ANKRD27: variants seen among roughly 807,000 people sequenced by gnomAD.
The protein encoded by ANKRD27 is ankyrin repeat domain-containing protein 27.
Under a neutral mutation model 129.7 loss-of-function variants are expected in ANKRD27, and 112 were observed. The observed-to-expected ratio is 0.86, with a 90% CI of 0.74 to 1.01. The LOEUF (loss-of-function observed/expected upper bound fraction) is 1.01, where lower values mean the gene tolerates loss of function less well. Among genes scored for constraint, ANKRD27 ranks in the 50% least tolerant of loss-of-function variants. ANKRD27 has a pLI of 0.00. For synonymous variants in ANKRD27, 516 were observed against 511.2 expected, an observed-to-expected ratio of 1.01 and a Z score of -0.13; for missense variants, 1,258 against 1,300.5, an observed-to-expected ratio of 0.97 and a Z score of 0.50.
chr19:32,607,713 C>T lies in ANKRD27; in HGVS notation c.2295G>A (p.Lys765=). The change falls in exon 23 of 29, where the codon AAG becomes AAA. Residue 765 remains lysine, a synonymous_variant. Coordinates refer to ENST00000306065, the MANE Select transcript of ANKRD27 (RefSeq NM_032139.3). ...GRADLIPLLL[K]HGANAGARNA... is the part of the protein sequence containing the mutation. Reference sequence around the variant, plus strand: ...TCCTGGCACCTGCGTTGGCCCCGTGCTTCAGCAGGAGGGGGATGAGGTCCG... The same window carrying T: ...TCCTGGCACCTGCGTTGGCCCCGTGTTTCAGCAGGAGGGGGATGAGGTCCG... The T allele has an allele frequency of 6.2e-7, 1 of 1,613,226 alleles. No individual in the cohort carries two copies. Among genetic ancestry groups the T allele is most frequent in the South Asian group, 1.1e-5 (1 of 90,968 alleles).
chr19:32,620,595 A>G (rs988022643), intron 18 of ANKRD27, among the ~76,000 whole-genome samples: 3 of 151,578 alleles, frequency 2.0e-5, no homozygotes, highest in African/African-American at 7.3e-5. Flanking sequence ...ACAATAAAAA[A>G]GAAAGATGAA....
At chr19:32,606,213 C>T (rs1420719293) in intron 23 of ANKRD27, among the ~76,000 whole-genome samples, 7 of 146,066 alleles carry the variant, frequency 4.8e-5, no homozygotes, top group East Asian at 2.0e-4. Context: ...AGTGCAGTGG[C>T]GTGATCTTGG....
Position 32,602,049 on chromosome 19 carries a change from G to C in ANKRD27, c.2733C>G (p.Arg911=). 6.2e-7 allele frequency: 1 copy of C among 1,613,826 alleles called. No homozygotes were observed. Among genetic ancestry groups the C allele is most frequent in the Non-Finnish European group, 8.5e-7 (1 of 1,179,832 alleles). The change falls in exon 26 of 29, where the codon CGC becomes CGG. Residue 911 remains arginine, a synonymous_variant. Coordinates refer to ENST00000306065, the MANE Select transcript of ANKRD27 (RefSeq NM_032139.3). The part of the protein sequence containing the change: ...ASLDDVAETD[R]KEYVTVKIRK... ...TGATCTTAACAGTGACATACTCCTT[G>C]CGGTCAGTTTCAGCCACATCATCTA...
At chr19:32,671,018 A>T (rs1442852137) in intron 1 of ANKRD27, among the ~76,000 whole-genome samples, 8 of 152,126 alleles carry the variant, frequency 5.3e-5, no homozygotes. Context: ...GTAATATGCC[A>T]GGTGCAGTGG....
intron 2 of ANKRD27, among the ~76,000 whole-genome samples, chr19:32,656,381 C>T (rs1471401324): frequency 6.6e-6 from 1 of 152,230 alleles, no homozygotes; most frequent in Non-Finnish European, 1.5e-5. Context: ...TCCATGCCCA[C>T]CTTGCGTCCC....
chr19:32,665,741 G>A (rs1264179005), intron 1 of ANKRD27, among the ~76,000 whole-genome samples: 11 of 151,772 alleles, frequency 7.2e-5, no homozygotes, highest in Non-Finnish European at 1.3e-4. Flanking sequence ...TTACAGGCAT[G>A]AGCCACCGCG....
chr19:32,663,857 C>T (rs1967692811), intron 1 of ANKRD27, among the ~76,000 whole-genome samples: 1 of 151,516 alleles, frequency 6.6e-6, no homozygotes, highest in Non-Finnish European at 1.5e-5. Context: ...GAGATCGAGA[C>T]CATCCCGGCT....
chr19:32,641,020 T>C (rs1967190209), intron 10 of ANKRD27, among the ~76,000 whole-genome samples: 1 of 152,008 alleles, frequency 6.6e-6, no homozygotes, highest in South Asian at 2.1e-4. Flanking sequence ...TGCCTCAGCC[T>C]CCTGAGCAGC....
In ANKRD27 at chr19:32,659,133, C is replaced by CTTTTTTTTT. The variant is rs200281838; in HGVS notation, c.-30-89_-30-88insAAAAAAAAA. 2 of 324,546 alleles carry CTTTTTTTTT rather than the reference C, an allele frequency of 6.2e-6. 1 individual carries two copies. Among genetic ancestry groups the CTTTTTTTTT allele is most frequent in the Non-Finnish European group, 1.1e-5 (2 of 180,974 alleles). The allele number at this position is 324,546 out of a possible 1,614,324, so 20.1% of individuals were successfully genotyped here. A position where few individuals can be genotyped will look rare whatever the true frequency, so the allele number is the denominator to read the frequency against. ...CTGCATCTGATGCATCTGGCATTTT[C>CTTTTTTTTT]TTTTTCTTTTTTTTTTTTTTTTTGA... On this transcript the variant is annotated intron_variant, in intron 1 of 28. Coordinates refer to ENST00000306065, the MANE Select transcript of ANKRD27 (RefSeq NM_032139.3).
intron 1 of ANKRD27, among the ~76,000 whole-genome samples, chr19:32,661,225 AC>A (rs1417033640): frequency 6.7e-6 from 1 of 148,280 alleles, no homozygotes; most frequent in Admixed American, 6.8e-5. Context: ...AATTATACAC[AC>A]ACACACACAC....
In ANKRD27 at chr19:32,639,569, C is replaced by T; in HGVS notation, c.984-81G>A. 3 of 1,466,604 alleles carry T rather than the reference C, an allele frequency of 2.0e-6. No homozygotes were observed. In the East Asian group the frequency reaches 6.8e-5, roughly 33 times the overall value. The allele number at this position is 1,466,604 out of a possible 1,614,324, so 90.8% of individuals were successfully genotyped here. A position where few individuals can be genotyped will look rare whatever the true frequency, so the allele number is the denominator to read the frequency against. ...AAAAAAATATCATTGGCTTGGGCAA[C>T]TGATCAAATATCTAGTCAGTTGGTT... On this transcript the variant is annotated intron_variant, in intron 11 of 28. Transcript: ENST00000306065.
chr19:32,656,107 G>GAAAGA (rs1568417801), intron 2 of ANKRD27, among the ~76,000 whole-genome samples: 1 of 107,908 alleles, frequency 9.3e-6, no homozygotes, highest in Non-Finnish European at 1.9e-5. Context: ...AAGAAAGAAA[G>GAAAGA]AAAAGAAAAG....
intron 2 of ANKRD27, among the ~76,000 whole-genome samples, chr19:32,652,204 C>T (rs763074555): frequency 2.6e-5 from 4 of 152,232 alleles, no homozygotes; most frequent in Non-Finnish European, 4.4e-5. Context: ...AGAGTTACTG[C>T]GTTGACCAGA....
At chr19:32,659,712 G>A (rs1678192283) in intron 1 of ANKRD27, among the ~76,000 whole-genome samples, 1 of 151,964 alleles carries the variant, frequency 6.6e-6, no homozygotes, top group African/African-American at 2.4e-5. Flanking sequence ...TTAAGGAATC[G>A]TCACATTTTG....
At chr19:32,653,501 C>A (rs1235455560) in intron 2 of ANKRD27, among the ~76,000 whole-genome samples, 1 of 152,126 alleles carries the variant, frequency 6.6e-6, no homozygotes, top group Non-Finnish European at 1.5e-5. Context: ...GAGGACGCCA[C>A]AGGTGTGTAA....
intron 25 of ANKRD27, among the ~76,000 whole-genome samples, chr19:32,603,432 C>G (rs1971681658): frequency 6.6e-6 from 1 of 152,158 alleles, no homozygotes; most frequent in African/African-American, 2.4e-5. Flanking sequence ...ACAGAAAGAG[C>G]TGCCGCTCGC....
In ANKRD27 at chr19:32,649,810, G is replaced by A; in HGVS notation, c.103-18C>T. ...ACTAAGACCTGGAAAAAACAATTCG[G>A]GGCAACATTAGACAGACGTGCCATT... On this transcript the variant is annotated intron_variant, in intron 2 of 28. Transcript: ENST00000306065. 3 of 1,537,586 alleles carry A rather than the reference G, an allele frequency of 2.0e-6. No homozygotes were observed. The highest frequency in any genetic ancestry group is 9.0e-7 in the Non-Finnish European group (1 of 1,110,266).
At chr19:32,615,920 C>CATGAGGGAGCAGAAGCCGG in intron 21 of ANKRD27, 140 bp from the exon 22 acceptor site, 1 of 1,169,236 alleles carries the variant, frequency 8.6e-7, no homozygotes, top group Non-Finnish European at 1.2e-6. Flanking sequence ...TAACCGGCTT[C>CATGAGGGAGCAGAAGCCGG]TGCTCCCTCA....
intron 22 of ANKRD27, among the ~76,000 whole-genome samples, chr19:32,609,126 CA>C (rs1971796366): frequency 6.9e-6 from 1 of 143,988 alleles, no homozygotes; most frequent in African/African-American, 2.5e-5. Context: ...AAAAAAAAGT[CA>C]AAATACCAAA....
Sources: gnomAD v4.1 joint callset for allele counts (sites outside exome capture counted in the v4.1 genomes callset) on GRCh38, gnomAD v4.1.1 for gene constraint, MANE v1.5 for transcripts, NCBI Gene and HGNC (gene_info 2026-07-23, HGNC 2026-07-21) for gene names.